Variants in MEI1 observed in about 807,000 individuals in gnomAD.
The protein encoded by MEI1 is meiotic double-stranded break formation protein 1.
Under a neutral mutation model 146.2 loss-of-function variants are expected in MEI1, and 103 were observed. The ratio of observed to expected loss-of-function variants is 0.70; its 90% CI spans 0.60 to 0.83. The LOEUF is 0.83. Ranked by LOEUF, MEI1 falls within the 40% of genes least tolerant of loss-of-function variation. MEI1 has a pLI of 0.00. For synonymous variants in MEI1, 652 were observed against 628.2 expected (o/e 1.04, Z -0.57); for missense variants, 1,529 against 1,533.0 (o/e 1.00, Z 0.04).
intron 22 of MEI1, among the ~76,000 whole-genome samples, chr22:41,780,473 T>C (rs191659428): frequency 6.6e-6 from 1 of 152,152 alleles, no homozygotes; most frequent in Non-Finnish European, 1.5e-5. Flanking sequence ...CAGTGTAATG[T>C]TGCACTGATG....
chr22:41,781,289 A>C lies in MEI1; in HGVS notation c.2821A>C (p.Lys941Gln), dbSNP rs763311125. 1 of 1,610,904 alleles carries C rather than the reference A, an allele frequency of 6.2e-7. No individual in the cohort carries two copies. The highest frequency in any genetic ancestry group is 8.5e-7 in the Non-Finnish European group (1 of 1,178,686). Residue 941 changes from lysine (K) to glutamine (Q), a missense_variant, in exon 23 of 31, where the codon AAG becomes CAG. By Grantham distance (53) the Lys-to-Gln change is moderately conservative (BLOSUM62 1). Around this residue, in one of 3 missense-constraint regions of MEI1, gnomAD observed 1,212 missense variants for 1,178.9 expected, o/e 1.03. Coordinates refer to ENST00000401548, the MANE Select transcript of MEI1 (RefSeq NM_152513.4). Reference sequence around the variant, plus strand: ...GGGACTTTCATCTCTTGCAGTAAGCAAGCTGTGTGGGAAGTGCAGCCCCAC... The same window carrying C: ...GGGACTTTCATCTCTTGCAGTAAGCCAGCTGTGTGGGAAGTGCAGCCCCAC... ...VAMKLLHQVS[K>Q]LCGKCSPTDV...
chr22:41,782,909 C>T (rs936719861), intron 24 of MEI1, among the ~76,000 whole-genome samples: 14 of 152,166 alleles, frequency 9.2e-5, no homozygotes, highest in Non-Finnish European at 2.9e-5. Context: ...TCGTCCTCCC[C>T]ACTAATGTGA....
At chr22:41,748,801 C>T (rs113786229) in intron 15 of MEI1, among the ~76,000 whole-genome samples, 6 of 151,460 alleles carry the variant, frequency 4.0e-5, no homozygotes, top group Non-Finnish European at 8.8e-5. Context: ...GACTGTAGAA[C>T]ATGCTTTTTT....
chr22:41,794,930 C>T (rs764451669), intron 28 of MEI1, among the ~76,000 whole-genome samples: 6 of 152,136 alleles, frequency 3.9e-5, no homozygotes, highest in South Asian at 2.1e-4. Flanking sequence ...AGAATGACAG[C>T]GAAGTGGATC....
intron 18 of MEI1, 59 bp downstream of exon 18, chr22:41,758,592 G>A (rs1378627362): frequency 1.3e-6 from 2 of 1,526,046 alleles, no homozygotes; most frequent in Non-Finnish European, 1.8e-6. Context: ...CAGCAGTTCA[G>A]TTCAATAAAT....
intron 26 of MEI1, 135 bp from the exon 27 acceptor site, chr22:41,793,694 T>C: frequency 1.4e-6 from 1 of 711,404 alleles, no homozygotes; most frequent in Non-Finnish European, 2.3e-6. Flanking sequence ...ATTTCTTGAT[T>C]ATCTACAGGG....
chr22:41,750,117 G>A (rs1400175994), intron 15 of MEI1, among the ~76,000 whole-genome samples: 1 of 152,212 alleles, frequency 6.6e-6, no homozygotes, highest in African/African-American at 2.4e-5. Context: ...ATCTAGCAGT[G>A]AACAAAACAG....
chr22:41,732,940 C>G (rs1467380037), intron 11 of MEI1, among the ~76,000 whole-genome samples: 1 of 151,752 alleles, frequency 6.6e-6, no homozygotes, highest in Non-Finnish European at 1.5e-5. Context: ...ACCACCATGC[C>G]CAGCTAATTT....
At chr22:41,784,805 G>A (rs1291803684) in intron 26 of MEI1, 22 bp downstream of exon 26, 2 of 1,562,344 alleles carry the variant, frequency 1.3e-6, no homozygotes, top group East Asian at 4.6e-5. Context: ...GCTGAGTGGG[G>A]CTTGCTTCTC....
At chr22:41,701,001 G>T (rs1336122481) in intron 1 of MEI1, among the ~76,000 whole-genome samples, 8 of 149,174 alleles carry the variant, frequency 5.4e-5, no homozygotes, top group African/African-American at 2.0e-4. Flanking sequence ...GTGCAATGGC[G>T]CAATCTCAGC....
Position 41,763,154 on chromosome 22 carries a change from A to G in MEI1, c.2121-20A>G. ...CCTGCCAACTCTGCCTTTCTCACTC[A>G]GGCTTTTCTTGGTTGACAGGTTTGT... is the stretch of plus-strand genomic sequence containing the variant. On this transcript the variant is annotated intron_variant, in intron 18 of 30. Coordinates refer to ENST00000401548, the MANE Select transcript of MEI1 (RefSeq NM_152513.4). 1 of 1,612,088 alleles carries G rather than the reference A, an allele frequency of 6.2e-7. No individual in the cohort carries two copies. The highest frequency in any genetic ancestry group is 1.1e-5 in the South Asian group (1 of 90,906).
intron 22 of MEI1, among the ~76,000 whole-genome samples, chr22:41,780,960 G>C (rs574672919): frequency 6.6e-6 from 1 of 152,188 alleles, no homozygotes. Context: ...GATGTGGCAA[G>C]TGCAGGGAAC....
chr22:41,702,160 G>A (rs749557671), intron 1 of MEI1, among the ~76,000 whole-genome samples: 1 of 152,222 alleles, frequency 6.6e-6, no homozygotes, highest in Non-Finnish European at 1.5e-5. Flanking sequence ...CTTTTCTTTT[G>A]AGATGGTTTC....
intron 11 of MEI1, among the ~76,000 whole-genome samples, chr22:41,735,562 A>C (rs1156686644): frequency 6.6e-6 from 1 of 152,170 alleles, no homozygotes; most frequent in Admixed American, 6.6e-5. Flanking sequence ...AGATTTTAAA[A>C]AATATTTTTG....
intron 15 of MEI1, among the ~76,000 whole-genome samples, chr22:41,751,052 G>A (rs774440807): frequency 6.8e-4 from 104 of 152,186 alleles, no homozygotes; most frequent in Non-Finnish European, 1.3e-3. Context: ...AAGCCAGGTA[G>A]CACAGGATCA....
chr22:41,786,205 C>T (rs953889626), intron 26 of MEI1, among the ~76,000 whole-genome samples: 4 of 152,128 alleles, frequency 2.6e-5, no homozygotes, highest in South Asian at 4.1e-4. Flanking sequence ...CCACCGCGCC[C>T]GGCCCCTATT....
rs769834331 is a variant in MEI1, at chr22:41,743,077, C to T, written c.1332-3C>T. 1.9e-6 allele frequency: 3 copies of T among 1,605,698 alleles called. No individual in the cohort carries two copies. The highest frequency in any genetic ancestry group is 2.6e-6 in the Non-Finnish European group (3 of 1,173,792). ...GAACCTGCTTTTGTCTCTCTGGATG[C>T]AGGAAGGACCATCAGAGCACTCCAC... On this transcript the variant is annotated splice_polypyrimidine_tract_variant and splice_region_variant and intron_variant, in intron 11 of 30. Coordinates refer to ENST00000401548, the MANE Select transcript of MEI1 (RefSeq NM_152513.4).
At chr22:41,750,412 C>G (rs2073670268) in intron 15 of MEI1, among the ~76,000 whole-genome samples, 3 of 152,164 alleles carry the variant, frequency 2.0e-5, no homozygotes, top group Admixed American at 6.5e-5. Flanking sequence ...TTGGACTTGG[C>G]TTCATGGCAG....
At chr22:41,757,910 C>T (rs1004454905) in intron 17 of MEI1, among the ~76,000 whole-genome samples, 5 of 152,004 alleles carry the variant, frequency 3.3e-5, no homozygotes, top group African/African-American at 1.2e-4. Flanking sequence ...AGTTTGAGAC[C>T]AGCCTGGCCA....
Sources: gnomAD v4.1 joint callset for allele counts (sites outside exome capture counted in the v4.1 genomes callset) on GRCh38, gnomAD v4.1.1 for gene constraint, gnomAD v4.1.1 regional missense constraint, MANE v1.5 for transcripts, NCBI Gene and HGNC (gene_info 2026-07-23, HGNC 2026-07-21) for gene names.